KIAA1755: variants seen among roughly 807,000 people sequenced by gnomAD.
The protein encoded by KIAA1755 is KIAA1755, also known as uncharacterized protein KIAA1755.
A neutral mutation model predicts 91.7 loss-of-function variants in KIAA1755; 68 were observed. The ratio of observed to expected loss-of-function variants is 0.74; its 90% CI spans 0.61 to 0.91. KIAA1755 has a LOEUF of 0.91. Among genes scored for constraint, KIAA1755 ranks in the 40% least tolerant of loss-of-function variants. KIAA1755 has a pLI of 0.00. For missense variants in KIAA1755, 1,535 were observed against 1,494.4 expected (o/e 1.03, Z -0.45); for synonymous variants, 610 against 604.6 (o/e 1.01, Z -0.13).
intron 1 of KIAA1755, among the ~76,000 whole-genome samples, chr20:38,246,529 T>TGGCCTGCA (rs1380531769): frequency 1.3e-5 from 2 of 152,116 alleles, no homozygotes; most frequent in South Asian, 2.1e-4. Flanking sequence ...ACCGCCTGGC[T>TGGCCTGCA]GGCCTGCAGG....
chr20:38,216,805 A>G, intron 13 of KIAA1755: 1 of 463,836 alleles, frequency 2.2e-6, no homozygotes, highest in Admixed American at 2.3e-5. Flanking sequence ...GAGGTCTGGC[A>G]TGGTGTACAC....
At chr20:38,250,701 T>C (rs1313614798) in intron 1 of KIAA1755, among the ~76,000 whole-genome samples, 1 of 151,996 alleles carries the variant, frequency 6.6e-6, no homozygotes, top group Non-Finnish European at 1.5e-5. Flanking sequence ...GGTGTCTGAT[T>C]TGCATAGGGC....
In KIAA1755 at chr20:38,240,486, C is replaced by G. The variant is rs2076035982; in HGVS notation, c.1549+96G>C. ...ACTAAACCCCTGAAGCTGAGCCAGC[C>G]CAGGTGGTCTCTATCACTTACAACC... On this transcript the variant is annotated intron_variant, in intron 3 of 13. Coordinates refer to ENST00000279024, the MANE Select transcript of KIAA1755 (RefSeq NM_001029864.2). 3 of 1,275,914 alleles carry G rather than the reference C, an allele frequency of 2.4e-6. No homozygotes were observed. The East Asian group carries it at 7.7e-5, about 33-fold the overall frequency. The allele number at this position is 1,275,914 out of a possible 1,614,324, so 79.0% of individuals were successfully genotyped here. A position where few individuals can be genotyped will look rare whatever the true frequency, so the allele number is the denominator to read the frequency against.
At position 38,211,241 on chromosome 20, in the gene KIAA1755, G is replaced by A. The variant is rs2075447915; in HGVS notation, c.*1801C>T. ...GTGACTCTTGGCTGAGACAGCTCCT[G>A]AGAAGCCCTAGTTGTCCTCCTGTGC... On this transcript the variant is annotated 3_prime_UTR_variant, in exon 14 of 14. Coordinates refer to ENST00000279024, the MANE Select transcript of KIAA1755 (RefSeq NM_001029864.2). The A allele has an allele frequency of 6.6e-6, 1 of 152,326 alleles. No individual in the cohort carries two copies. Among genetic ancestry groups the A allele is most frequent in the Non-Finnish European group, 1.5e-5 (1 of 68,136 alleles). 9.4% of individuals were successfully genotyped at this position (152,326 alleles called of 1,614,324 possible). A position where few individuals can be genotyped will look rare whatever the true frequency, so the allele number is the denominator to read the frequency against.
At chr20:38,217,524 G>A in intron 12 of KIAA1755, 50 bp from the exon 13 acceptor site, 21 of 1,410,348 alleles carry the variant, frequency 1.5e-5, no homozygotes, top group Non-Finnish European at 1.8e-5. Context: ...CTTGGCTGGG[G>A]CCTCCCTCGG....
At chr20:38,237,888 C>T (rs994483515) in intron 4 of KIAA1755, among the ~76,000 whole-genome samples, 10 of 152,068 alleles carry the variant, frequency 6.6e-5, no homozygotes, top group Non-Finnish European at 1.0e-4. Context: ...GGACAAAAAA[C>T]GGACAGAAGG....
intron 1 of KIAA1755, among the ~76,000 whole-genome samples, chr20:38,258,554 C>T (rs1271951281): frequency 6.6e-6 from 1 of 152,192 alleles, no homozygotes; most frequent in Non-Finnish European, 1.5e-5. Context: ...AGATACATGA[C>T]ATGCTAGAGT....
chr20:38,243,387 C>A (rs183256416), intron 2 of KIAA1755, among the ~76,000 whole-genome samples: 1 of 152,206 alleles, frequency 6.6e-6, no homozygotes, highest in Admixed American at 6.5e-5. Context: ...GTTTTCTCGA[C>A]CCTTTTCACT....
Position 38,241,809 on chromosome 20 carries a change from G to C in KIAA1755, c.322C>G (p.Gln108Glu), listed in dbSNP as rs1360569272. Reference sequence around the variant, plus strand: ...GACTGCTCCTCCTGGGGCTCCACTTGGAGGTAGAAGTCACCCTGGCGCAAT... The same window carrying C: ...GACTGCTCCTCCTGGGGCTCCACTTCGAGGTAGAAGTCACCCTGGCGCAAT... ...LLLRQGDFYL[Q>E]VEPQEEQSVC... The change falls in exon 3 of 14, where the codon CAA (glutamine) becomes GAA (glutamate). Residue 108 changes from glutamine to glutamate, a missense_variant. Coordinates refer to ENST00000279024, the MANE Select transcript of KIAA1755 (RefSeq NM_001029864.2). The C allele has an allele frequency of 1.2e-6, 2 of 1,614,196 alleles. No individual in the cohort carries two copies. Among genetic ancestry groups the C allele is most frequent in the East Asian group, 2.2e-5 (1 of 44,880 alleles).
chr20:38,241,506 G>C lies in KIAA1755; in HGVS notation c.625C>G (p.Leu209Val). The C allele has an allele frequency of 6.2e-7, 1 of 1,614,236 alleles. No individual in the cohort carries two copies. The highest frequency in any genetic ancestry group is 8.5e-7 in the Non-Finnish European group (1 of 1,180,044). The change falls in exon 3 of 14, where the codon CTG becomes GTG. Residue 209 changes from leucine to valine, a missense_variant. Transcript: ENST00000279024. ...QAWGPLPLEA[L>V]DLSSPQELHQ... ...AACTCTTGAGGGCTGCTCAAATCCA[G>C]TGCCTCTAATGGAAGGGGCCCCCAG...
chr20:38,259,457 G>A (rs958953932), intron 1 of KIAA1755, among the ~76,000 whole-genome samples: 5 of 151,534 alleles, frequency 3.3e-5, no homozygotes, highest in Middle Eastern at 3.2e-3. Context: ...GCATGTGTAT[G>A]TGTGTGTGCA....
chr20:38,218,376 G>C lies in KIAA1755; in HGVS notation c.2557-10C>G. 3.7e-6 allele frequency: 6 copies of C among 1,613,964 alleles called. No homozygotes were observed. Among genetic ancestry groups the C allele is most frequent in the Non-Finnish European group, 5.1e-6 (6 of 1,179,980 alleles). On this transcript the variant is annotated splice_polypyrimidine_tract_variant and intron_variant, in intron 11 of 13. Transcript: ENST00000279024. ...CCATCCAGTCGCTGACCTGGGGCAGGAGAGGCAGATTTGGACATGAGGGGC... is the reference window on the plus strand; with the variant it reads ...CCATCCAGTCGCTGACCTGGGGCAGCAGAGGCAGATTTGGACATGAGGGGC...
chr20:38,234,935 T>C (rs1244581332), intron 4 of KIAA1755, among the ~76,000 whole-genome samples: 1 of 152,184 alleles, frequency 6.6e-6, no homozygotes, highest in Non-Finnish European at 1.5e-5. Context: ...GAAGCTGTGC[T>C]GTTCACAGAT....
At chr20:38,225,609 G>A (rs1789698213) in intron 8 of KIAA1755, 56 bp downstream of exon 8, 1 of 1,040,788 alleles carries the variant, frequency 9.6e-7, no homozygotes, top group Non-Finnish European at 1.5e-6. Flanking sequence ...ACAGAAGAGT[G>A]AAGAGAAGAA....
chr20:38,239,112 C>T (rs368189592), intron 4 of KIAA1755, among the ~76,000 whole-genome samples: 15 of 152,348 alleles, frequency 9.8e-5, no homozygotes, highest in East Asian at 1.9e-4. Flanking sequence ...CTCTGTGGGG[C>T]GGGTCATGCC....
chr20:38,224,835 C>A (rs1292522698), intron 8 of KIAA1755, among the ~76,000 whole-genome samples: 1 of 152,090 alleles, frequency 6.6e-6, no homozygotes, highest in Non-Finnish European at 1.5e-5. Context: ...TGAAATGCCC[C>A]CTCTTGGGGT....
intron 3 of KIAA1755, among the ~76,000 whole-genome samples, chr20:38,239,987 C>G (rs1465575785): frequency 1.3e-5 from 2 of 152,124 alleles, no homozygotes; most frequent in Admixed American, 6.5e-5. Flanking sequence ...GCTTTGAACT[C>G]CTGGGCTTGA....
chr20:38,252,066 C>T (rs1385033328), intron 1 of KIAA1755, among the ~76,000 whole-genome samples: 2 of 152,088 alleles, frequency 1.3e-5, no homozygotes, highest in African/African-American at 4.8e-5. Context: ...CTCAGGGAAA[C>T]AGTGAGTTAA....
intron 4 of KIAA1755, among the ~76,000 whole-genome samples, chr20:38,232,664 G>A (rs1388396004): frequency 6.6e-6 from 1 of 151,504 alleles, no homozygotes; most frequent in East Asian, 1.9e-4. Context: ...GTATATAAAT[G>A]TGTATACATA....
Sources: allele counts gnomAD v4.1 joint callset (sites outside exome capture counted in the v4.1 genomes callset), GRCh38; gene constraint gnomAD v4.1.1; transcripts MANE v1.5; gene names NCBI Gene and HGNC (gene_info 2026-07-23, HGNC 2026-07-21).